Variants in TLE4 observed in about 807,000 individuals in gnomAD.
TLE4 encodes the protein TLE family member 4, transcriptional corepressor, also known as transducin-like enhancer protein 4.
TLE4 carries 8 observed loss-of-function variants against 92.8 expected under a neutral mutation model. That is an observed-to-expected ratio of 0.09 (90% CI 0.05 to 0.16). The LOEUF is 0.16. Among genes scored for constraint, TLE4 ranks in the 10% least tolerant of loss-of-function variants. The pLI is 1.00. For missense variants in TLE4, 675 were observed against 997.6 expected (o/e 0.68, Z 4.36); for synonymous variants, 371 against 374.1 (o/e 0.99, Z 0.10).
chr9:79,621,486 G>A (rs962782932), intron 5 of TLE4, among the ~76,000 whole-genome samples: 3 of 152,186 alleles, frequency 2.0e-5, no homozygotes, highest in Admixed American at 6.5e-5. Flanking sequence ...ATTAATGGCA[G>A]GGTAGATTTC....
chr9:79,617,046 G>T (rs1024432038), intron 5 of TLE4, among the ~76,000 whole-genome samples: 1 of 152,144 alleles, frequency 6.6e-6, no homozygotes, highest in Non-Finnish European at 1.5e-5. Flanking sequence ...TACTTCCAGG[G>T]AAATAGATTC....
At chr9:79,698,004 A>T (rs116973881) in intron 8 of TLE4, among the ~76,000 whole-genome samples, 1,784 of 152,316 alleles carry the variant, frequency 0.012, 17 homozygotes, top group Middle Eastern at 0.024. Context: ...GACAAAAAAT[A>T]TGCGGTTGTT....
rs758483456 is a variant in TLE4 at position 79,725,022 on chromosome 9, A to G, written c.2215-15A>G. 4.4e-6 allele frequency: 7 copies of G among 1,595,886 alleles called. No individual in the cohort carries two copies. Among genetic ancestry groups the G allele is most frequent in the African/African-American group, 1.3e-5 (1 of 74,398 alleles). ...TTCAGTATTTAACATTTTTGATTAT[A>G]TGTTTCTTTCCTAGTCCAAAGAATC... On this transcript the variant is annotated splice_polypyrimidine_tract_variant and intron_variant, in intron 19 of 19. Transcript: ENST00000376552.
chr9:79,684,209 G>T (rs2065303040), intron 8 of TLE4, among the ~76,000 whole-genome samples: 1 of 152,132 alleles, frequency 6.6e-6, no homozygotes, highest in African/African-American at 2.4e-5. Flanking sequence ...ATTGGTCTCT[G>T]TGTTGGCTGC....
At chr9:79,704,646 TTC>T (rs1440257047) in intron 8 of TLE4, 135 bp from the exon 9 acceptor site, 10 of 1,159,948 alleles carry the variant, frequency 8.6e-6, no homozygotes, top group Non-Finnish European at 1.2e-5. Flanking sequence ...CTCCTCCGCT[TTC>T]TCCTATCTCC....
At chr9:79,602,350 A>T (rs898240389) in intron 4 of TLE4, among the ~76,000 whole-genome samples, 1 of 152,262 alleles carries the variant, frequency 6.6e-6, no homozygotes, top group Admixed American at 6.5e-5. Context: ...GGACTTTCAT[A>T]GCTAGAGAAG....
chr9:79,694,377 C>G (rs755031908), intron 8 of TLE4, among the ~76,000 whole-genome samples: 25 of 152,158 alleles, frequency 1.6e-4, no homozygotes, highest in Non-Finnish European at 2.5e-4. Context: ...GTGGAGTGCT[C>G]TTGTCTGGTT....
chr9:79,625,420 A>C (rs113560989), intron 5 of TLE4, among the ~76,000 whole-genome samples: 17 of 152,286 alleles, frequency 1.1e-4, no homozygotes, highest in Middle Eastern at 3.4e-3. Flanking sequence ...TCATGATAGG[A>C]GTTAAAACAC....
intron 5 of TLE4, among the ~76,000 whole-genome samples, chr9:79,615,347 G>T (rs746661298): frequency 6.6e-6 from 1 of 152,074 alleles, no homozygotes; most frequent in Non-Finnish European, 1.5e-5. Context: ...TGACAGTCTC[G>T]CTACCAAAAC....
rs1161776608 is a variant in TLE4, at chr9:79,624,685, T to C, written c.316-2689T>C. On this transcript the variant is annotated intron_variant, in intron 5 of 19. Coordinates refer to ENST00000376552, the MANE Select transcript of TLE4 (RefSeq NM_007005.6). ...AAAATGCACTTGATTTTAATGCCAG[T>C]GCGGAAAGATATCCCCTGCTGCCTA... Among the ~76,000 whole-genome samples, 5 of 152,328 alleles carry C rather than the reference T, an allele frequency of 3.3e-5. No individual in the cohort carries two copies. In the East Asian group the frequency reaches 9.7e-4, roughly 29 times the overall value.
At chr9:79,700,013 T>A (rs1292284002) in intron 8 of TLE4, among the ~76,000 whole-genome samples, 1 of 152,210 alleles carries the variant, frequency 6.6e-6, no homozygotes, top group African/African-American at 2.4e-5. Context: ...TAGGTCACCA[T>A]CCCAATCTCT....
chr9:79,633,037 C>T (rs1340075463), intron 6 of TLE4, among the ~76,000 whole-genome samples: 1 of 152,088 alleles, frequency 6.6e-6, no homozygotes, highest in African/African-American at 2.4e-5. Context: ...TGTGCCTGCC[C>T]CTCACTCTTT....
intron 5 of TLE4, among the ~76,000 whole-genome samples, chr9:79,621,288 A>G (rs905875831): frequency 2.6e-5 from 4 of 152,186 alleles, no homozygotes; most frequent in African/African-American, 4.8e-5. Context: ...AATGTGCACT[A>G]CAAGGAGACT....
At chr9:79,579,138 A>G (rs924181341) in intron 4 of TLE4, among the ~76,000 whole-genome samples, 14 of 152,176 alleles carry the variant, frequency 9.2e-5, no homozygotes, top group African/African-American at 3.4e-4. Flanking sequence ...GGATTTCCCT[A>G]AGTGTATGGT....
At chr9:79,670,880 T>G (rs1376607497) in intron 8 of TLE4, among the ~76,000 whole-genome samples, 3 of 152,058 alleles carry the variant, frequency 2.0e-5, no homozygotes, top group South Asian at 2.1e-4. Flanking sequence ...GTTTTTTTTT[T>G]GTTTGTTTTT....
intron 8 of TLE4, chr9:79,668,704 G>A (rs530224382): frequency 5.2e-6 from 2 of 385,846 alleles, no homozygotes; most frequent in East Asian, 3.3e-4. Flanking sequence ...GTTGAGGTGG[G>A]GAGGATTAAG....
intron 6 of TLE4, among the ~76,000 whole-genome samples, chr9:79,646,773 G>A (rs2058168716): frequency 6.6e-6 from 1 of 151,938 alleles, no homozygotes; most frequent in Non-Finnish European, 1.5e-5. Flanking sequence ...TATGCCTTTT[G>A]GTGACTTAAT....
Position 79,614,991 on chromosome 9 carries a change from T to C in TLE4, c.315+2273T>C, listed in dbSNP as rs1361452826. 4.6e-5 allele frequency among the ~76,000 whole-genome samples: 7 copies of C among 152,326 alleles called. 1 individual carries two copies. In the South Asian group the frequency reaches 1.4e-3, roughly 32 times the overall value. ...TTTCTTTTGCTTACTTTAGATTTAA[T>C]TTACTCATCTTTTTCTAGTTTCCTA... On this transcript the variant is annotated intron_variant, in intron 5 of 19. Coordinates refer to ENST00000376552, the MANE Select transcript of TLE4 (RefSeq NM_007005.6).
chr9:79,697,496 G>A (rs1039810349), intron 8 of TLE4, among the ~76,000 whole-genome samples: 17 of 151,718 alleles, frequency 1.1e-4, no homozygotes, highest in Admixed American at 9.2e-4. Flanking sequence ...TTCAAGAGAG[G>A]GCAACTAAGC....
Sources: gnomAD v4.1 joint callset for allele counts (sites outside exome capture counted in the v4.1 genomes callset) on GRCh38, gnomAD v4.1.1 for gene constraint, MANE v1.5 for transcripts, NCBI Gene and HGNC (gene_info 2026-07-23, HGNC 2026-07-21) for gene names.